TANC1: variants seen among roughly 807,000 people sequenced by gnomAD.
TANC1 encodes the protein protein TANC1.
TANC1 carries 77 observed loss-of-function variants against 149.7 expected under a neutral mutation model. The ratio of observed to expected loss-of-function variants is 0.51; its 90% confidence interval spans 0.43 to 0.62. The LOEUF (loss-of-function observed/expected upper bound fraction) is 0.62. Ranked by LOEUF, TANC1 falls within the 20% of genes least tolerant of loss-of-function variation. TANC1 has a pLI of 0.00. For missense variants in TANC1, 1,985 were observed against 2,321.8 expected, an observed-to-expected ratio of 0.85 and a Z score of 2.98; for synonymous variants, 854 against 925.0, an observed-to-expected ratio of 0.92 and a Z score of 1.39.
At chr2:159,224,025 C>T (rs1575361390) in intron 22 of TANC1, among the ~76,000 whole-genome samples, 1 of 152,254 alleles carries the variant, frequency 6.6e-6, no homozygotes, top group East Asian at 1.9e-4. Flanking sequence ...TCATCCCTGA[C>T]AGCAAAATCT....
chr2:159,150,113 C>G, intron 6 of TANC1: 1 of 374,050 alleles, frequency 2.7e-6, no homozygotes, highest in Non-Finnish European at 4.8e-6. Flanking sequence ...TAAGACTGAC[C>G]TTTTAATAAA....
intron 5 of TANC1, chr2:159,147,439 GC>G (rs2052261680): frequency 6.6e-6 from 1 of 152,442 alleles, no homozygotes; most frequent in African/African-American, 2.4e-5. Context: ...GGAGGGCGGT[GC>G]CATCCTGTTC....
chr2:159,109,579 T>C (rs2047522089), intron 4 of TANC1, among the ~76,000 whole-genome samples: 1 of 152,228 alleles, frequency 6.6e-6, no homozygotes, highest in African/African-American at 2.4e-5. Context: ...TTACCTGCAG[T>C]CAACTGTGGT....
intron 2 of TANC1, among the ~76,000 whole-genome samples, chr2:159,011,232 A>G (rs767676664): frequency 2.0e-5 from 3 of 152,208 alleles, no homozygotes; most frequent in East Asian, 1.9e-4. Flanking sequence ...TAAGGTTTAC[A>G]TGAAATGAAA....
At chr2:159,123,482 C>T (rs2049071070) in intron 4 of TANC1, among the ~76,000 whole-genome samples, 2 of 152,070 alleles carry the variant, frequency 1.3e-5, no homozygotes, top group South Asian at 4.2e-4. Flanking sequence ...CCCACGCTCC[C>T]CTCACCCCAC....
intron 7 of TANC1, among the ~76,000 whole-genome samples, chr2:159,155,380 C>T (rs903303162): frequency 8.5e-5 from 13 of 152,182 alleles, no homozygotes; most frequent in African/African-American, 2.9e-4. Flanking sequence ...TCTCTCCATT[C>T]GTCTTTTTAA....
intron 3 of TANC1, 95 bp downstream of exon 3, chr2:159,066,066 T>C (rs947237003): frequency 9.6e-6 from 9 of 932,812 alleles, no homozygotes; most frequent in African/African-American, 1.6e-5. Context: ...TGGGAGTGGG[T>C]CAGAGAGGGT....
At chr2:159,180,598 G>T (rs954978367) in intron 14 of TANC1, among the ~76,000 whole-genome samples, 2 of 152,194 alleles carry the variant, frequency 1.3e-5, no homozygotes, top group African/African-American at 2.4e-5. Context: ...ACCTGGACTA[G>T]GTGGAGGCAA....
intron 1 of TANC1, among the ~76,000 whole-genome samples, chr2:158,983,262 T>TC (rs898922527): frequency 4.0e-5 from 6 of 151,840 alleles, no homozygotes; most frequent in African/African-American, 1.5e-4. Context: ...GGTCAGGAGA[T>TC]CGAGACCATC....
intron 4 of TANC1, among the ~76,000 whole-genome samples, chr2:159,131,529 GC>G (rs1446659431): frequency 1.5e-5 from 1 of 67,512 alleles, no homozygotes; most frequent in Admixed American, 1.9e-4. Context: ...CCCTTCCCCT[GC>G]CCCCACCCAA....
At chr2:159,002,109 C>T (rs1194403486) in intron 2 of TANC1, among the ~76,000 whole-genome samples, 1 of 152,110 alleles carries the variant, frequency 6.6e-6, no homozygotes, top group Admixed American at 6.6e-5. Context: ...GAGAGCCCAG[C>T]GTGGGGTGTG....
chr2:159,128,110 T>A (rs2049670654), intron 4 of TANC1, among the ~76,000 whole-genome samples: 1 of 152,226 alleles, frequency 6.6e-6, no homozygotes, highest in Non-Finnish European at 1.5e-5. Flanking sequence ...TGTCTTCTGT[T>A]TTTTTCTTCC....
rs76217474 is a variant in TANC1, at chr2:159,003,981, C to A, written c.-16+2792C>A. 9.4e-5 allele frequency: 152 copies of A among 1,612,486 alleles called. 5 individuals are homozygous for A. In the African/African-American group the frequency reaches 1.9e-3, roughly 20 times the overall value. ...AAGCTTCAGAGTTCTCTAAAAAAAA[C>A]TGGCTGTGAATAATATAGCTGGTAT... On this transcript the variant is annotated intron_variant, in intron 2 of 26. Transcript: ENST00000263635.
intron 3 of TANC1, among the ~76,000 whole-genome samples, chr2:159,071,005 C>A (rs1444799063): frequency 6.6e-6 from 1 of 152,050 alleles, no homozygotes; most frequent in Non-Finnish European, 1.5e-5. Flanking sequence ...TCTGTTCTTT[C>A]TTTAAACCCT....
At chr2:159,152,176 C>T (rs926873590) in intron 7 of TANC1, among the ~76,000 whole-genome samples, 1 of 152,212 alleles carries the variant, frequency 6.6e-6, no homozygotes, top group Non-Finnish European at 1.5e-5. Flanking sequence ...CCATTCTCAT[C>T]TTACCCTGCT....
At chr2:159,192,867 C>T (rs954549690) in intron 16 of TANC1, among the ~76,000 whole-genome samples, 2 of 152,168 alleles carry the variant, frequency 1.3e-5, no homozygotes, top group Non-Finnish European at 2.9e-5. Flanking sequence ...TCAGGCTGGT[C>T]TCGAACTCCT....
At position 159,228,821 on chromosome 2, in the gene TANC1, C is replaced by T; in HGVS notation, c.4076C>T (p.Ala1359Val). 1 of 1,614,132 alleles carries T rather than the reference C, an allele frequency of 6.2e-7. No homozygotes were observed. Among genetic ancestry groups the T allele is most frequent in the Non-Finnish European group, 8.5e-7 (1 of 1,179,982 alleles). ...GACTTTGGCATGGCAGAGGAATTTG[C>T]TTCCAAGGCTCTCGAATTGAAGCCC... The part of the protein sequence containing the change: ...TNDFGMAEEF[A>V]SKALELKPKS... Residue 1359 changes from alanine (A) to valine (V), a missense_variant, in exon 26 of 27, where the codon GCT (alanine) becomes GTT (valine). Ala to Val is a moderately conservative substitution (Grantham distance 64, BLOSUM62 0). Around this residue, in one of 3 missense-constraint regions of TANC1, gnomAD observed 920 missense variants for 994.7 expected, o/e 0.92. Coordinates refer to ENST00000263635, the MANE Select transcript of TANC1 (RefSeq NM_033394.3).
chr2:159,119,066 A>G (rs1024140808), intron 4 of TANC1, among the ~76,000 whole-genome samples: 9 of 152,182 alleles, frequency 5.9e-5, no homozygotes, highest in African/African-American at 2.2e-4. Flanking sequence ...CTGAGGCGTA[A>G]AAGTAGAATA....
chr2:158,969,845 C>T (rs1246116082), intron 1 of TANC1, among the ~76,000 whole-genome samples: 4 of 152,246 alleles, frequency 2.6e-5, no homozygotes, highest in Non-Finnish European at 5.9e-5. Flanking sequence ...CTCCTGCCAG[C>T]TCCAGATCCG....
Sources: allele counts gnomAD v4.1 joint callset (sites outside exome capture counted in the v4.1 genomes callset), GRCh38; gene constraint gnomAD v4.1.1; regional missense constraint gnomAD v4.1.1; transcripts MANE v1.5; gene names NCBI Gene and HGNC (gene_info 2026-07-23, HGNC 2026-07-21).